Variants in OR2A5 observed in about 807,000 individuals in gnomAD.
The protein encoded by OR2A5 is olfactory receptor family 2 subfamily A member 5.
In OR2A5, 2 loss-of-function variants were observed where a neutral mutation model predicts 1.9. The observed-to-expected ratio is 1.04, with a 90% confidence interval of 0.43 to 3.28. OR2A5 has a LOEUF of 3.28. Among genes scored for constraint, OR2A5 ranks in the 30% most tolerant of loss-of-function variants. The pLI is 0.08. For synonymous variants in OR2A5, 160 were observed against 154.5 expected (o/e 1.04, Z -0.26); for missense variants, 391 against 375.9 (o/e 1.04, Z -0.33).
chr7:144,050,635 C>T lies in OR2A5; in HGVS notation c.234C>T (p.Pro78=). Residue 78 remains proline, a synonymous_variant, in exon 2 of 2, where the codon CCC becomes CCT. Transcript: ENST00000641693. ...TTTCGTATGCTTCCAACAATGTCCC[C>T]AAGATGCTGACAAACCTTGGCTTGA... ...IDISYASNNV[P]KMLTNLGLNK... The T allele has an allele frequency of 6.2e-7, 1 of 1,613,694 alleles. No individual in the cohort carries two copies. Among genetic ancestry groups the T allele is most frequent in the South Asian group, 1.1e-5 (1 of 90,960 alleles).
chr7:144,050,515 G>A lies in OR2A5; in HGVS notation c.114G>A (p.Leu38=), dbSNP rs781122068. The change falls in exon 2 of 2, where the codon CTG becomes CTA. Residue 38 remains leucine, a synonymous_variant. Coordinates refer to ENST00000641693, the MANE Select transcript of OR2A5 (RefSeq NM_012365.2). ...TCTCCCTGTTATACGTCTTCACCCT[G>A]CTGGGAAATGGGGCCATCCTGGGGC... ...GLFSLLYVFT[L]LGNGAILGLI... 6 of 1,607,574 alleles carry A rather than the reference G, an allele frequency of 3.7e-6. No individual in the cohort carries two copies. The Admixed American group carries it at 8.4e-5, about 22-fold the overall frequency.
At chr7:144,050,192 C>T (rs1391979430) in intron 1 of OR2A5, among the ~76,000 whole-genome samples, 159 bp from the exon 2 acceptor site, 1 of 152,204 alleles carries the variant, frequency 6.6e-6, no homozygotes, top group African/African-American at 2.4e-5. Flanking sequence ...TGCATTTACA[C>T]TAGTTCTCTG....
rs1233921087 is a variant in OR2A5, at chr7:144,051,002, G to T, written c.601G>T (p.Ala201Ser). 6.2e-6 allele frequency: 10 copies of T among 1,614,074 alleles called. No homozygotes were observed. The African/African-American group carries it at 1.2e-4, about 19-fold the overall frequency. ...DTWLNQVVIFAASVFILVGPL... is the reference protein window; with the variant it reads ...DTWLNQVVIFSASVFILVGPL... ...CTGGCTCAACCAGGTGGTCATCTTT[G>T]CTGCTTCAGTGTTCATCCTGGTGGG... Residue 201 changes from alanine (A) to serine (S), a missense_variant, in exon 2 of 2, where the codon GCT (alanine) becomes TCT (serine). Physicochemically the swap from Ala to Ser is moderately conservative, Grantham distance 99. Coordinates refer to ENST00000641693, the MANE Select transcript of OR2A5 (RefSeq NM_012365.2).
rs1318098422 is a variant in OR2A5, at chr7:144,049,141, A to C, written c.-52+8A>C. ...ACCAGGCCTGATACCACAGTGAGTA[A>C]AGGGTCTTTTGCAAAGTCTGGTAGT... On this transcript the variant is annotated splice_region_variant and intron_variant, in intron 1 of 1. Coordinates refer to ENST00000641693, the MANE Select transcript of OR2A5 (RefSeq NM_012365.2). The C allele has an allele frequency of 6.6e-6, 1 of 152,246 alleles. No homozygotes were observed. The highest frequency in any genetic ancestry group is 6.5e-5 in the Admixed American group (1 of 15,274). The allele number at this position is 152,246 out of a possible 1,614,324, so 9.4% of individuals were successfully genotyped here. A position where few individuals can be genotyped will look rare whatever the true frequency, so the allele number is the denominator to read the frequency against.
chr7:144,053,824 A>C lies in OR2A5; in HGVS notation c.*2487A>C, dbSNP rs1464312881. The C allele has an allele frequency of 1.3e-5, 2 of 152,264 alleles. No individual in the cohort carries two copies. The highest frequency in any genetic ancestry group is 2.9e-5 in the Non-Finnish European group (2 of 68,076). The allele number at this position is 152,264 out of a possible 1,614,324, so 9.4% of individuals were successfully genotyped here. A position where few individuals can be genotyped will look rare whatever the true frequency, so the allele number is the denominator to read the frequency against. Reference sequence around the variant, plus strand: ...AGGATTCATTACCACCTTTGGGAAGAGTAGAAACACTCACATTAGCAGCAT... The same window carrying C: ...AGGATTCATTACCACCTTTGGGAAGCGTAGAAACACTCACATTAGCAGCAT... On this transcript the variant is annotated 3_prime_UTR_variant, in exon 2 of 2. Coordinates refer to ENST00000641693, the MANE Select transcript of OR2A5 (RefSeq NM_012365.2).
At position 144,057,861 on chromosome 7, in the gene OR2A5, TCTTAGCAGCTG is replaced by T. The variant is rs1384227329; in HGVS notation, c.*6525_*6535del. On this transcript the variant is annotated 3_prime_UTR_variant, in exon 2 of 2. Transcript: ENST00000641693. The stretch of plus-strand genomic sequence containing the variant: ...GCTTTTTATATGAAATAATAAAAGC[TCTTAGCAGCTG>T]TAACAGGTTGATGTAAATAATACCA... The T allele has an allele frequency of 6.6e-6, 1 of 152,200 alleles. No homozygotes were observed. The highest frequency in any genetic ancestry group is 1.5e-5 in the Non-Finnish European group (1 of 68,022). 9.4% of individuals were successfully genotyped at this position (152,200 alleles called of 1,614,324 possible).
At position 144,050,655 on chromosome 7, in the gene OR2A5, G is replaced by T. The variant is rs377424250; in HGVS notation, c.254G>T (p.Gly85Val). 2 of 1,613,894 alleles carry T rather than the reference G, an allele frequency of 1.2e-6. No individual in the cohort carries two copies. The highest frequency in any genetic ancestry group is 1.7e-6 in the Non-Finnish European group (2 of 1,179,982). ...NNVPKMLTNL[G>V]LNKRKTISFV... ...GTCCCCAAGATGCTGACAAACCTTG[G>T]CTTGAACAAGAGAAAAACAATCTCC... is the stretch of plus-strand genomic sequence containing the variant. Residue 85 changes from glycine (G) to valine (V), a missense_variant, in exon 2 of 2, where the codon GGC becomes GTC. Physicochemically the swap from Gly to Val is moderately radical, Grantham distance 109 (BLOSUM62 -3). Coordinates refer to ENST00000641693, the MANE Select transcript of OR2A5 (RefSeq NM_012365.2).
Position 144,050,566 on chromosome 7 carries a change from C to A in OR2A5, c.165C>A (p.His55Gln), listed in dbSNP as rs1473803506. The change falls in exon 2 of 2, where the codon CAC becomes CAA. Residue 55 changes from histidine to glutamine, a missense_variant. By Grantham distance (24) the His-to-Gln change is conservative (BLOSUM62 0). Coordinates refer to ENST00000641693, the MANE Select transcript of OR2A5 (RefSeq NM_012365.2). Reference protein sequence around the residue: ...LGLIWLDSRLHTPMYFFLSHL... With the variant: ...LGLIWLDSRLQTPMYFFLSHL... ...TCATCTGGCTGGACTCCAGACTGCA[C>A]ACCCCCATGTACTTCTTTCTCTCAC... is the stretch of plus-strand genomic sequence containing the variant. 6.2e-6 allele frequency: 10 copies of A among 1,610,004 alleles called. No homozygotes were observed. The highest frequency in any genetic ancestry group is 8.5e-6 in the Non-Finnish European group (10 of 1,177,826).
rs1168475602 is a variant in OR2A5, at chr7:144,054,870, G to T, written c.*3533G>T. ...TGTGTATCTAGAATAGCTCCTCTAG[G>T]AAATCTCAGTCTCTGTATGTAGAGA... is the stretch of plus-strand genomic sequence containing the variant. On this transcript the variant is annotated 3_prime_UTR_variant, in exon 2 of 2. Transcript: ENST00000641693. 1 of 152,090 alleles carries T rather than the reference G, an allele frequency of 6.6e-6. No individual in the cohort carries two copies. The highest frequency in any genetic ancestry group is 1.5e-5 in the Non-Finnish European group (1 of 68,016). The allele number at this position is 152,090 out of a possible 1,614,324, so 9.4% of individuals were successfully genotyped here.
chr7:144,057,540 T>C lies in OR2A5; in HGVS notation c.*6203T>C, dbSNP rs1487089342. The C allele has an allele frequency of 6.6e-6, 1 of 152,106 alleles. No individual in the cohort carries two copies. The highest frequency in any genetic ancestry group is 1.5e-5 in the Non-Finnish European group (1 of 68,000). 9.4% of individuals were successfully genotyped at this position (152,106 alleles called of 1,614,324 possible). Reference sequence around the variant, plus strand: ...GCTACAAAAGAATAACAAATAATAGTGGACTTCCCCTCAGCAAAACAGATG... The same window carrying C: ...GCTACAAAAGAATAACAAATAATAGCGGACTTCCCCTCAGCAAAACAGATG... On this transcript the variant is annotated 3_prime_UTR_variant, in exon 2 of 2. Transcript: ENST00000641693.
chr7:144,049,797 G>A (rs2050887454), intron 1 of OR2A5, among the ~76,000 whole-genome samples: 1 of 152,176 alleles, frequency 6.6e-6, no homozygotes, highest in South Asian at 2.1e-4. Flanking sequence ...TTTAATGCAA[G>A]CTTTATTTTC....
At chr7:144,049,500 T>C (rs1390707480) in intron 1 of OR2A5, among the ~76,000 whole-genome samples, 1 of 152,218 alleles carries the variant, frequency 6.6e-6, no homozygotes, top group East Asian at 1.9e-4. Context: ...TGCCTTTCAT[T>C]CGTCCATCCA....
At position 144,053,944 on chromosome 7, in the gene OR2A5, A is replaced by G. The variant is rs1380328854; in HGVS notation, c.*2607A>G. 1 of 152,210 alleles carries G rather than the reference A, an allele frequency of 6.6e-6. No individual in the cohort carries two copies. The highest frequency in any genetic ancestry group is 2.4e-5 in the African/African-American group (1 of 41,450). The allele number at this position is 152,210 out of a possible 1,614,324, so 9.4% of individuals were successfully genotyped here. ...CCCAAAGGGACAATCTGAACGAGAG[A>G]CACCCTGCTGTTCTCAGTGATCATC... is the stretch of plus-strand genomic sequence containing the variant. On this transcript the variant is annotated 3_prime_UTR_variant, in exon 2 of 2. Coordinates refer to ENST00000641693, the MANE Select transcript of OR2A5 (RefSeq NM_012365.2).
intron 1 of OR2A5, among the ~76,000 whole-genome samples, chr7:144,049,612 A>G (rs904892752): frequency 4.6e-5 from 7 of 152,238 alleles, no homozygotes; most frequent in African/African-American, 1.4e-4. Flanking sequence ...GGTGGGGTGA[A>G]GGCAGGAATC....
chr7:144,055,530 T>C lies in OR2A5; in HGVS notation c.*4193T>C, dbSNP rs1258490887. Reference sequence around the variant, plus strand: ...AAATGGTAATTCTAAGATAATCTTTTTTCTGTCAAAATCCCGTCTTGTTCT... The same window carrying C: ...AAATGGTAATTCTAAGATAATCTTTCTTCTGTCAAAATCCCGTCTTGTTCT... On this transcript the variant is annotated 3_prime_UTR_variant, in exon 2 of 2. Coordinates refer to ENST00000641693, the MANE Select transcript of OR2A5 (RefSeq NM_012365.2). The C allele has an allele frequency of 6.6e-6, 1 of 152,178 alleles. No homozygotes were observed. The highest frequency in any genetic ancestry group is 1.5e-5 in the Non-Finnish European group (1 of 68,026). The allele number at this position is 152,178 out of a possible 1,614,324, so 9.4% of individuals were successfully genotyped here.
In OR2A5 at chr7:144,051,932, T is replaced by A. The variant is rs1461120685; in HGVS notation, c.*595T>A. ...TTTTTTTATATAAAAGGCAGAGAAATATCAGGATCTTTGTTTCATTTCACT... is the reference window on the plus strand; with the variant it reads ...TTTTTTTATATAAAAGGCAGAGAAAAATCAGGATCTTTGTTTCATTTCACT... On this transcript the variant is annotated 3_prime_UTR_variant, in exon 2 of 2. Coordinates refer to ENST00000641693, the MANE Select transcript of OR2A5 (RefSeq NM_012365.2). 5 of 152,254 alleles carry A rather than the reference T, an allele frequency of 3.3e-5. No individual in the cohort carries two copies. Among genetic ancestry groups the A allele is most frequent in the Non-Finnish European group, 7.3e-5 (5 of 68,100 alleles). The allele number at this position is 152,254 out of a possible 1,614,324, so 9.4% of individuals were successfully genotyped here.
Position 144,051,996 on chromosome 7 carries a change from T to C in OR2A5, c.*659T>C, listed in dbSNP as rs1412013500. The C allele has an allele frequency of 6.6e-6, 1 of 152,226 alleles. No individual in the cohort carries two copies. The highest frequency in any genetic ancestry group is 1.5e-5 in the Non-Finnish European group (1 of 68,048). 9.4% of individuals were successfully genotyped at this position (152,226 alleles called of 1,614,324 possible). On this transcript the variant is annotated 3_prime_UTR_variant, in exon 2 of 2. Transcript: ENST00000641693. ...TTTAATTAGAAAGAGTTTGGAAAGATTTTGCATTTAAAATAAATATGAGAG... is the reference window on the plus strand; with the variant it reads ...TTTAATTAGAAAGAGTTTGGAAAGACTTTGCATTTAAAATAAATATGAGAG...
In OR2A5 at chr7:144,051,124, C is replaced by T. The variant is rs779633365; in HGVS notation, c.723C>T (p.Cys241=). The change falls in exon 2 of 2, where the codon TGC becomes TGT. Residue 241 remains cysteine (C), a synonymous_variant. Transcript: ENST00000641693. ...GCCGCAGAAAGGCCTTCTCCACCTG[C>T]TCCTCCCACCTTTGCATGGTGGGAC... ...GEGRRKAFST[C]SSHLCMVGLF... 7 of 1,614,102 alleles carry T rather than the reference C, an allele frequency of 4.3e-6. No individual in the cohort carries two copies. The African/African-American group carries it at 9.3e-5, about 22-fold the overall frequency.
rs1468099918 is a variant in OR2A5, at chr7:144,057,412, C to T, written c.*6075C>T. 1 of 151,908 alleles carries T rather than the reference C, an allele frequency of 6.6e-6. No individual in the cohort carries two copies. The highest frequency in any genetic ancestry group is 1.9e-4 in the East Asian group (1 of 5,182). The allele number at this position is 151,908 out of a possible 1,614,324, so 9.4% of individuals were successfully genotyped here. A position where few individuals can be genotyped will look rare whatever the true frequency, so the allele number is the denominator to read the frequency against. ...AACAAAAGATACTCTGAGTATCAAG[C>T]TACATGAATAAAAATAAATTAATAT... On this transcript the variant is annotated 3_prime_UTR_variant, in exon 2 of 2. Coordinates refer to ENST00000641693, the MANE Select transcript of OR2A5 (RefSeq NM_012365.2).
Sources: gnomAD v4.1 joint callset for allele counts (sites outside exome capture counted in the v4.1 genomes callset) on GRCh38, gnomAD v4.1.1 for gene constraint, MANE v1.5 for transcripts, NCBI Gene and HGNC (gene_info 2026-07-23, HGNC 2026-07-21) for gene names.